The following HPSE2 variants were observed in gnomAD, a reference collection of about 807,000 sequenced individuals.
The protein encoded by HPSE2 is inactive heparanase-2.
In HPSE2, 38 loss-of-function variants were observed where a neutral mutation model predicts 60.5. The ratio of observed to expected loss-of-function variants is 0.63; its 90% CI spans 0.48 to 0.82. The LOEUF (loss-of-function observed/expected upper bound fraction) is 0.82. Ranked by LOEUF, HPSE2 falls within the 40% of genes least tolerant of loss-of-function variation. HPSE2 has a pLI of 0.00. For missense variants in HPSE2, 713 were observed against 740.4 expected (o/e 0.96, Z 0.43); for synonymous variants, 295 against 293.2 (o/e 1.01, Z -0.06).
At chr10:98,762,000 C>T (rs1034369427) in intron 3 of HPSE2, among the ~76,000 whole-genome samples, 4 of 139,302 alleles carry the variant, frequency 2.9e-5, no homozygotes, top group African/African-American at 5.3e-5. Context: ...TCTCCCCTGT[C>T]TTCCCCTCCC....
intron 3 of HPSE2, among the ~76,000 whole-genome samples, chr10:98,944,444 A>G (rs1011630990): frequency 4.6e-5 from 7 of 152,192 alleles, no homozygotes; most frequent in African/African-American, 1.2e-4. Flanking sequence ...CTCTTTGCAC[A>G]ATGCTAGAGG....
At chr10:98,873,488 G>T (rs74607772) in intron 3 of HPSE2, among the ~76,000 whole-genome samples, 1 of 152,020 alleles carries the variant, frequency 6.6e-6, no homozygotes, top group Non-Finnish European at 1.5e-5. Flanking sequence ...TTAGTTTGCT[G>T]AGTATGATGG....
At chr10:99,002,172 T>A (rs1202520258) in intron 3 of HPSE2, among the ~76,000 whole-genome samples, 3 of 152,136 alleles carry the variant, frequency 2.0e-5, no homozygotes, top group African/African-American at 7.2e-5. Context: ...AGTAATATTA[T>A]AACCCAAAAT....
chr10:98,622,018 A>G (rs1229195692), intron 7 of HPSE2, among the ~76,000 whole-genome samples: 2 of 152,210 alleles, frequency 1.3e-5, no homozygotes, highest in Admixed American at 6.5e-5. Context: ...CATACACACC[A>G]AAGAAATTCT....
intron 9 of HPSE2, among the ~76,000 whole-genome samples, chr10:98,591,059 C>T (rs553625036): frequency 4.6e-5 from 7 of 151,742 alleles, no homozygotes; most frequent in Non-Finnish European, 1.0e-4. Flanking sequence ...AGTAATCTTC[C>T]CTGTACAGTT....
At chr10:99,260,542 A>G in the HPSE2 span, among the ~76,000 whole-genome samples, 49 of 152,026 alleles carry the variant, frequency 3.2e-4, 1 homozygote, top group Middle Eastern at 3.4e-3. Flanking sequence ...CTACCCTTCA[A>G]TCTCCCTGCC....
chr10:98,619,345 G>A (rs1946009605), intron 8 of HPSE2, among the ~76,000 whole-genome samples: 1 of 152,164 alleles, frequency 6.6e-6, no homozygotes, highest in Admixed American at 6.5e-5. Context: ...GCTAATGAGA[G>A]GCCCTTATGC....
chr10:98,918,345 T>C (rs1000516569), intron 3 of HPSE2, among the ~76,000 whole-genome samples: 22 of 152,070 alleles, frequency 1.4e-4, no homozygotes, highest in African/African-American at 4.6e-4. Context: ...ATCCAAAGGA[T>C]TATAAATCAT....
chr10:98,577,688 T>G (rs753861048), intron 9 of HPSE2, among the ~76,000 whole-genome samples: 2 of 152,180 alleles, frequency 1.3e-5, no homozygotes, highest in Non-Finnish European at 2.9e-5. Flanking sequence ...GGAGCCCTCA[T>G]TCCACAATTT....
At chr10:99,246,822 T>G in the HPSE2 span, among the ~76,000 whole-genome samples, 7 of 152,348 alleles carry the variant, frequency 4.6e-5, no homozygotes, top group East Asian at 1.3e-3. Flanking sequence ...CAATAATTAC[T>G]AAAATATTTC....
At chr10:98,923,869 C>T (rs552989853) in intron 3 of HPSE2, among the ~76,000 whole-genome samples, 8 of 152,152 alleles carry the variant, frequency 5.3e-5, no homozygotes, top group South Asian at 2.1e-4. Context: ...CTGTCTGAAA[C>T]GTCATATATA....
chr10:99,047,370 TAGA>T (rs1957880045), intron 3 of HPSE2, among the ~76,000 whole-genome samples: 1 of 152,154 alleles, frequency 6.6e-6, no homozygotes, highest in African/African-American at 2.4e-5. Flanking sequence ...ATAAAAATCC[TAGA>T]AGAAAACCTA....
intron 2 of HPSE2, among the ~76,000 whole-genome samples, chr10:99,209,521 CA>C (rs1295370686): frequency 1.3e-5 from 2 of 151,110 alleles, no homozygotes; most frequent in Non-Finnish European, 2.9e-5. Flanking sequence ...TAAATGCTTA[CA>C]GGGGAAAAAA....
chr10:98,808,583 T>A (rs2134559720), intron 3 of HPSE2, among the ~76,000 whole-genome samples: 1 of 152,286 alleles, frequency 6.6e-6, no homozygotes, highest in African/African-American at 2.4e-5. Flanking sequence ...ACATAAATTC[T>A]TTTTCTGAGC....
At chr10:98,647,972 G>A (rs141482675) in intron 6 of HPSE2, among the ~76,000 whole-genome samples, 2 of 152,180 alleles carry the variant, frequency 1.3e-5, no homozygotes, top group Non-Finnish European at 2.9e-5. Flanking sequence ...AGTTTGTACT[G>A]TGGAAAAATG....
chr10:99,244,097 G>A, the HPSE2 span, among the ~76,000 whole-genome samples: 16 of 151,998 alleles, frequency 1.1e-4, no homozygotes, highest in Non-Finnish European at 1.9e-4. Context: ...ACCCAGGCGG[G>A]ACTGCAGTGG....
chr10:99,159,183 A>G (rs1846718302), intron 2 of HPSE2, among the ~76,000 whole-genome samples: 1 of 152,202 alleles, frequency 6.6e-6, no homozygotes, highest in Admixed American at 6.5e-5. Flanking sequence ...TCAATGAACT[A>G]GAAAACAAAA....
intron 3 of HPSE2, among the ~76,000 whole-genome samples, chr10:98,833,115 G>A (rs1036189414): frequency 6.6e-6 from 1 of 152,082 alleles, no homozygotes; most frequent in African/African-American, 2.4e-5. Flanking sequence ...AGCATTTTCT[G>A]GAACCTTTTA....
chr10:99,187,647 C>A (rs540530200), intron 2 of HPSE2, among the ~76,000 whole-genome samples: 1 of 152,170 alleles, frequency 6.6e-6, no homozygotes, highest in African/African-American at 2.4e-5. Flanking sequence ...TGTTCATTAT[C>A]ATTAGTCATT....
Sources: gnomAD v4.1 joint callset for allele counts (sites outside exome capture counted in the v4.1 genomes callset) on GRCh38, gnomAD v4.1.1 for gene constraint, MANE v1.5 for transcripts, NCBI Gene and HGNC (gene_info 2026-07-23, HGNC 2026-07-21) for gene names.